Variants in GALNT13 observed in about 807,000 individuals in gnomAD.
GALNT13 encodes polypeptide N-acetylgalactosaminyltransferase 13, also known as UDP-GalNAc:polypeptide N-acetylgalactosaminyltransferase 13.
GALNT13 carries 28 observed loss-of-function variants against 64.2 expected under a neutral mutation model. The observed-to-expected ratio is 0.44, with a 90% confidence interval of 0.32 to 0.60. The LOEUF (loss-of-function observed/expected upper bound fraction) is 0.60. GALNT13 is among the 20% of genes least tolerant of loss of function. The pLI is 0.05. For synonymous variants in GALNT13, 214 were observed against 224.6 expected (o/e 0.95, Z 0.42); for missense variants, 577 against 669.8 (o/e 0.86, Z 1.53).
chr2:153,511,549 A>G, the GALNT13 span, among the ~76,000 whole-genome samples: 2 of 152,196 alleles, frequency 1.3e-5, no homozygotes, highest in Non-Finnish European at 2.9e-5. Flanking sequence ...CACTCTAGGA[A>G]AAAGGGAAAG....
At chr2:154,320,520 C>A (rs953121228) in intron 9 of GALNT13, among the ~76,000 whole-genome samples, 1 of 152,122 alleles carries the variant, frequency 6.6e-6, no homozygotes, top group African/African-American at 2.4e-5. Flanking sequence ...ATTGTGCTCA[C>A]AGAAGTCTTT....
At chr2:153,909,259 T>C (rs1250660887) in intron 2 of GALNT13, among the ~76,000 whole-genome samples, 1 of 151,918 alleles carries the variant, frequency 6.6e-6, no homozygotes, top group African/African-American at 2.4e-5. Flanking sequence ...TTTGTACAGA[T>C]TTTGCTAGTA....
chr2:153,890,637 T>A (rs1687486410), intron 1 of GALNT13, among the ~76,000 whole-genome samples: 1 of 152,046 alleles, frequency 6.6e-6, no homozygotes, highest in Non-Finnish European at 1.5e-5. Context: ...CTAAATGCCC[T>A]TGTTAGAATG....
chr2:154,258,833 G>C (rs1231912386), intron 7 of GALNT13, among the ~76,000 whole-genome samples, 188 bp from the exon 8 acceptor site: 2 of 150,768 alleles, frequency 1.3e-5, no homozygotes, highest in Non-Finnish European at 3.0e-5. Context: ...AAACTAATAT[G>C]AGTTTTAAAG....
intron 9 of GALNT13, among the ~76,000 whole-genome samples, chr2:154,335,476 A>G (rs561102370): frequency 6.6e-6 from 1 of 152,028 alleles, no homozygotes; most frequent in East Asian, 1.9e-4. Context: ...TGCTTTCTGG[A>G]CAAATAAAAT....
intron 9 of GALNT13, among the ~76,000 whole-genome samples, chr2:154,361,027 A>G (rs1020769935): frequency 1.3e-5 from 2 of 152,112 alleles, no homozygotes; most frequent in Non-Finnish European, 2.9e-5. Context: ...GTTATGTAAA[A>G]CAATTGGAGC....
At chr2:153,821,844 A>C in the GALNT13 span, among the ~76,000 whole-genome samples, 1 of 152,182 alleles carries the variant, frequency 6.6e-6, no homozygotes, top group Non-Finnish European at 1.5e-5. Flanking sequence ...ATCTAAAGTA[A>C]CCATGAAAAA....
At chr2:154,247,034 A>G (rs948319619) in intron 7 of GALNT13, among the ~76,000 whole-genome samples, 1 of 152,112 alleles carries the variant, frequency 6.6e-6, no homozygotes. Context: ...TTAATTATAT[A>G]AAGAATTAAT....
At chr2:153,875,864 T>C (rs1452443404) in intron 1 of GALNT13, among the ~76,000 whole-genome samples, 1 of 152,176 alleles carries the variant, frequency 6.6e-6, no homozygotes, top group Non-Finnish European at 1.5e-5. Context: ...ATTTGCCTTA[T>C]TAGACATGAT....
At chr2:153,360,185 T>G in the GALNT13 span, among the ~76,000 whole-genome samples, 1 of 151,976 alleles carries the variant, frequency 6.6e-6, no homozygotes, top group African/African-American at 2.4e-5. Context: ...GAGAGCCACA[T>G]GGGGCAGGGG....
At chr2:153,550,209 G>A in the GALNT13 span, among the ~76,000 whole-genome samples, 22 of 150,644 alleles carry the variant, frequency 1.5e-4, 1 homozygote, top group Admixed American at 1.5e-3. Context: ...ATGTTGACAT[G>A]TAAAAACAAT....
At chr2:153,678,842 A>C in the GALNT13 span, among the ~76,000 whole-genome samples, 3 of 152,128 alleles carry the variant, frequency 2.0e-5, no homozygotes, top group Non-Finnish European at 4.4e-5. Context: ...GGTTTGTACT[A>C]TGTCAGCTTA....
intron 4 of GALNT13, among the ~76,000 whole-genome samples, chr2:154,173,615 C>G (rs1286499887): frequency 1.3e-5 from 2 of 151,838 alleles, no homozygotes; most frequent in Admixed American, 1.3e-4. Context: ...AAGGGACAAC[C>G]CACACAATGG....
the GALNT13 span, among the ~76,000 whole-genome samples, chr2:153,776,765 C>T: frequency 6.6e-6 from 1 of 152,202 alleles, no homozygotes. Flanking sequence ...TCAGTAATTG[C>T]TTCAACCTTA....
At chr2:153,883,824 T>C (rs1015980272) in intron 1 of GALNT13, among the ~76,000 whole-genome samples, 1 of 152,150 alleles carries the variant, frequency 6.6e-6, no homozygotes, top group Non-Finnish European at 1.5e-5. Context: ...AGGACTTTAG[T>C]TGGCTCCAAA....
chr2:154,441,185 G>T (rs556340041), intron 12 of GALNT13, among the ~76,000 whole-genome samples: 4 of 152,090 alleles, frequency 2.6e-5, no homozygotes, highest in Non-Finnish European at 5.9e-5. Context: ...ACTGGTTAAA[G>T]AATGTTACAA....
the GALNT13 span, among the ~76,000 whole-genome samples, chr2:153,080,684 CT>C: frequency 6.6e-6 from 1 of 151,978 alleles, no homozygotes; most frequent in African/African-American, 2.4e-5. Flanking sequence ...TTTTTGTCCG[CT>C]TGATCTTTCT....
the GALNT13 span, among the ~76,000 whole-genome samples, chr2:153,362,345 A>G: frequency 6.6e-6 from 1 of 152,122 alleles, no homozygotes; most frequent in Non-Finnish European, 1.5e-5. Flanking sequence ...ACCAGCTAGC[A>G]TCATGATGAC....
chr2:154,417,097 C>A (rs1258552847), intron 11 of GALNT13, among the ~76,000 whole-genome samples: 1 of 151,972 alleles, frequency 6.6e-6, no homozygotes, highest in Non-Finnish European at 1.5e-5. Flanking sequence ...TTCTTCTTTT[C>A]TTCCATTAAT....
Sources: gnomAD v4.1 joint callset for allele counts (sites outside exome capture counted in the v4.1 genomes callset) on GRCh38, gnomAD v4.1.1 for gene constraint, MANE v1.5 for transcripts, NCBI Gene and HGNC (gene_info 2026-07-23, HGNC 2026-07-21) for gene names.